PSMD6: variants seen among roughly 807,000 people sequenced by gnomAD.
PSMD6 encodes the protein proteasome 26S subunit, non-ATPase 6, also known as 26S proteasome non-ATPase regulatory subunit 6.
Under a neutral mutation model 44.9 loss-of-function variants are expected in PSMD6, and 7 were observed. The observed-to-expected ratio is 0.16, with a 90% CI of 0.09 to 0.29. The LOEUF (loss-of-function observed/expected upper bound fraction) is 0.29, where lower values mean the gene tolerates loss of function less well. Ranked by LOEUF, PSMD6 falls within the 10% of genes least tolerant of loss-of-function variation. The pLI, the probability that PSMD6 is intolerant of heterozygous loss-of-function variation, is 1.00. For missense variants in PSMD6, 420 were observed against 482.6 expected, an observed-to-expected ratio of 0.87 and a Z score of 1.21; for synonymous variants, 184 against 172.7, an observed-to-expected ratio of 1.07 and a Z score of -0.51.
chr3:64,023,230 C>G, intron 1 of PSMD6, 45 bp downstream of exon 1: 1 of 1,498,016 alleles, frequency 6.7e-7, no homozygotes, highest in Non-Finnish European at 8.9e-7. Flanking sequence ...AACGCGGGGA[C>G]GGCCCAGGCC....
rs761540152 is a variant in PSMD6 at position 64,023,432 on chromosome 3, G to C, written c.-13C>G. ...TCTCCAGCGGCATCGCGGCGAAGGG[G>C]ACAGCGGCTGACAGGACACAACTTG... is the stretch of plus-strand genomic sequence containing the variant. On this transcript the variant is annotated 5_prime_UTR_variant, in exon 1 of 8. Transcript: ENST00000295901. The C allele has an allele frequency of 1.3e-6, 2 of 1,586,396 alleles. No individual in the cohort carries two copies. Among genetic ancestry groups the C allele is most frequent in the East Asian group, 2.3e-5 (1 of 42,838 alleles).
intron 6 of PSMD6, 95 bp from the exon 7 acceptor site, chr3:64,011,050 A>ACAGG: frequency 9.8e-7 from 1 of 1,024,712 alleles, no homozygotes; most frequent in Admixed American, 2.4e-5. Context: ...TTTGTAACAA[A>ACAGG]CATTTAGCTT....
chr3:64,010,559 C>A lies in PSMD6; in HGVS notation c.*109G>T. The A allele has an allele frequency of 1.4e-6, 1 of 733,738 alleles. No individual in the cohort carries two copies. Among genetic ancestry groups the A allele is most frequent in the South Asian group, 2.2e-5 (1 of 45,388 alleles). The allele number at this position is 733,738 out of a possible 1,614,324, so 45.5% of individuals were successfully genotyped here. On this transcript the variant is annotated 3_prime_UTR_variant, in exon 8 of 8. Transcript: ENST00000295901. Reference sequence around the variant, plus strand: ...TAAGAAAAAAATAAATGGAAAGAAACAACAATGCAGTATTTATTTTATACA... The same window carrying A: ...TAAGAAAAAAATAAATGGAAAGAAAAAACAATGCAGTATTTATTTTATACA...
chr3:64,011,044 TAACA>T, intron 6 of PSMD6, 89 bp from the exon 7 acceptor site: 1 of 1,089,646 alleles, frequency 9.2e-7, no homozygotes, highest in African/African-American at 1.6e-5. Flanking sequence ...CTTAAATTTG[TAACA>T]AACATTTAGC....
At chr3:64,016,222 A>G (rs2076041963) in intron 5 of PSMD6, 1 of 152,090 alleles carries the variant, frequency 6.6e-6, no homozygotes, top group Non-Finnish European at 1.5e-5. Flanking sequence ...AAAGGTCTAC[A>G]AGGATATAAA....
At position 64,023,267 on chromosome 3, in the gene PSMD6, G is replaced by A. The variant is rs1206009667; in HGVS notation, c.145+8C>T. On this transcript the variant is annotated splice_region_variant and intron_variant, in intron 1 of 7. Transcript: ENST00000295901. Reference sequence around the variant, plus strand: ...AGGCCGCTGACTCGGCGCTCGTGCGGGCCTCACTGTTATCGCGGACGGCCG... The same window carrying A: ...AGGCCGCTGACTCGGCGCTCGTGCGAGCCTCACTGTTATCGCGGACGGCCG... 2 of 1,557,240 alleles carry A rather than the reference G, an allele frequency of 1.3e-6. No individual in the cohort carries two copies. The highest frequency in any genetic ancestry group is 2.7e-5 in the African/African-American group (2 of 73,308).
intron 5 of PSMD6, chr3:64,014,244 A>G (rs2076009314): frequency 6.6e-6 from 1 of 152,210 alleles, no homozygotes; most frequent in Non-Finnish European, 1.5e-5. Flanking sequence ...TGAGCAATCC[A>G]CACAAATATA....
intron 5 of PSMD6, chr3:64,013,885 T>A (rs80322219): frequency 0.021 from 5,878 of 285,900 alleles, 133 homozygotes; most frequent in African/African-American, 0.071. Context: ...AAAGTTCACG[T>A]ACTAATATTT....
In PSMD6 at chr3:64,023,492, G is replaced by C; in HGVS notation, c.-73C>G. 6.8e-7 allele frequency: 1 copy of C among 1,479,922 alleles called. No individual in the cohort carries two copies. The highest frequency in any genetic ancestry group is 2.3e-5 in the Admixed American group (1 of 44,430). 91.7% of individuals were successfully genotyped at this position (1,479,922 alleles called of 1,614,324 possible). A position where few individuals can be genotyped will look rare whatever the true frequency, so the allele number is the denominator to read the frequency against. Reference sequence around the variant, plus strand: ...GGCTGCGGCAGCGGAAGCGGGAGGAGTCGGCGAATACGCCCGGCCGCCTGC... The same window carrying C: ...GGCTGCGGCAGCGGAAGCGGGAGGACTCGGCGAATACGCCCGGCCGCCTGC... On this transcript the variant is annotated 5_prime_UTR_variant, in exon 1 of 8. Coordinates refer to ENST00000295901, the MANE Select transcript of PSMD6 (RefSeq NM_014814.3).
chr3:64,013,214 C>T, intron 6 of PSMD6: 1 of 429,612 alleles, frequency 2.3e-6, no homozygotes. Flanking sequence ...ATCACTTAGC[C>T]TCACTACAAC....
Position 64,022,519 on chromosome 3 carries a change from C to A in PSMD6, c.150G>T (p.Met50Ile). ...TGCACAAGGCTTCATAGTAAGGAGC[C>A]ATGTCTAACATGCAAAAAGAGGGAT... ...ELMAAVRDNN[M>I]APYYEALCKS... The change falls in exon 2 of 8, where the codon ATG becomes ATT. Residue 50 changes from methionine (M) to isoleucine (I), a missense_variant. Physicochemically the swap from Met to Ile is conservative, Grantham distance 10 (BLOSUM62 1). Coordinates refer to ENST00000295901, the MANE Select transcript of PSMD6 (RefSeq NM_014814.3). 6.2e-7 allele frequency: 1 copy of A among 1,613,576 alleles called. No individual in the cohort carries two copies. The highest frequency in any genetic ancestry group is 8.5e-7 in the Non-Finnish European group (1 of 1,179,494).
intron 6 of PSMD6, chr3:64,012,410 G>A (rs186706458): frequency 2.1e-4 from 32 of 152,192 alleles, no homozygotes; most frequent in Non-Finnish European, 2.8e-4. Flanking sequence ...TCCACGCCAC[G>A]GTAACATCTC....
chr3:64,023,338 G>C lies in PSMD6; in HGVS notation c.82C>G (p.Leu28Val), dbSNP rs1559680362. The C allele has an allele frequency of 1.2e-6, 2 of 1,607,842 alleles. No homozygotes were observed. The highest frequency in any genetic ancestry group is 1.7e-6 in the Non-Finnish European group (2 of 1,177,384). ...GCAGCGTCTCCGCGGTGCTCGGGCA[G>C]GCTGAGCAGGAAGCGCAGCTGCGCG... The part of the protein sequence containing the change: ...RIAQLRFLLS[L>V]PEHRGDAAVR... Residue 28 changes from leucine (L) to valine (V), a missense_variant, in exon 1 of 8, where the codon CTG becomes GTG. Leu to Val is a conservative substitution (Grantham distance 32). Transcript: ENST00000295901.
chr3:64,013,076 A>G (rs906698203), intron 6 of PSMD6: 6 of 166,012 alleles, frequency 3.6e-5, no homozygotes, highest in Non-Finnish European at 5.2e-5. Flanking sequence ...ACTGGAAGGA[A>G]TTATCAGAGG....
At position 64,013,446 on chromosome 3, in the gene PSMD6, T is replaced by C. The variant is rs755223214; in HGVS notation, c.988A>G (p.Ile330Val). The change falls in exon 6 of 8, where the codon ATT (isoleucine) becomes GTT (valine). Residue 330 changes from isoleucine (I) to valine (V), a missense_variant. Transcript: ENST00000295901. ...AEAFGVGVEFIDQELSRFIAA... is the reference protein window; with the variant it reads ...AEAFGVGVEFVDQELSRFIAA... ...GGCATTATTCAAACTTACTGATCAA[T>C]GAATTCCACACCAACACCAAACGCT... 19 of 1,564,462 alleles carry C rather than the reference T, an allele frequency of 1.2e-5. No homozygotes were observed. Among genetic ancestry groups the C allele is most frequent in the Middle Eastern group, 1.7e-4 (1 of 5,856 alleles).
At position 64,023,334 on chromosome 3, in the gene PSMD6, G is replaced by C. The variant is rs1460208282; in HGVS notation, c.86C>G (p.Pro29Arg). Residue 29 changes from proline to arginine, a missense_variant, in exon 1 of 8, where the codon CCC becomes CGC. Physicochemically the swap from Pro to Arg is moderately radical, Grantham distance 103. Around this residue, in one of 4 missense-constraint regions of PSMD6, gnomAD observed 136 missense variants for 124.2 expected, o/e 1.09. Transcript: ENST00000295901. The part of the protein sequence containing the change: ...IAQLRFLLSL[P>R]EHRGDAAVRD... Reference sequence around the variant, plus strand: ...CACGGCAGCGTCTCCGCGGTGCTCGGGCAGGCTGAGCAGGAAGCGCAGCTG... The same window carrying C: ...CACGGCAGCGTCTCCGCGGTGCTCGCGCAGGCTGAGCAGGAAGCGCAGCTG... The C allele has an allele frequency of 6.2e-7, 1 of 1,606,194 alleles. No homozygotes were observed. The highest frequency in any genetic ancestry group is 8.5e-7 in the Non-Finnish European group (1 of 1,176,592).
At chr3:64,011,948 T>G (rs1002076985) in intron 6 of PSMD6, 1 of 152,268 alleles carries the variant, frequency 6.6e-6, no homozygotes, top group African/African-American at 2.4e-5. Flanking sequence ...CGCACCCTAA[T>G]GAACAGCCCT....
chr3:64,021,129 T>C (rs2076123009), intron 2 of PSMD6, among the ~76,000 whole-genome samples: 1 of 151,726 alleles, frequency 6.6e-6, no homozygotes, highest in African/African-American at 2.4e-5. Context: ...TACTATACCC[T>C]AGAGAAACAC....
intron 5 of PSMD6, 171 bp downstream of exon 5, chr3:64,018,428 G>C: frequency 1.9e-6 from 1 of 535,030 alleles, no homozygotes; most frequent in Non-Finnish European, 3.4e-6. Flanking sequence ...GCCACAATCT[G>C]ATGACCCTTC....
Sources: gnomAD v4.1 joint callset for allele counts (sites outside exome capture counted in the v4.1 genomes callset) on GRCh38, gnomAD v4.1.1 for gene constraint, gnomAD v4.1.1 regional missense constraint, MANE v1.5 for transcripts, NCBI Gene and HGNC (gene_info 2026-07-23, HGNC 2026-07-21) for gene names.